PIEZO1: variants seen among roughly 807,000 people sequenced by gnomAD.
The protein encoded by PIEZO1 is piezo-type mechanosensitive ion channel component 1.
A neutral mutation model predicts 297.2 loss-of-function variants in PIEZO1; 296 were observed. The ratio of observed to expected loss-of-function variants is 1.00; its 90% confidence interval spans 0.91 to 1.10. PIEZO1 has a LOEUF of 1.10. Ranked by LOEUF, PIEZO1 falls within the 50% of genes least tolerant of loss-of-function variation. The pLI is 0.00. For missense variants in PIEZO1, 5,018 were observed against 3,455.5 expected, an observed-to-expected ratio of 1.45 and a Z score of -11.34; for synonymous variants, 2,427 against 1,507.5, an observed-to-expected ratio of 1.61 and a Z score of -14.13.
At chr16:88,734,576 G>A (rs1240647151) in intron 15 of PIEZO1, 38 bp from the exon 16 acceptor site, 2 of 1,545,360 alleles carry the variant, frequency 1.3e-6, no homozygotes, top group African/African-American at 1.4e-5. Flanking sequence ...CCGGCCCCCG[G>A]CAGAGCCGCT....
chr16:88,755,058 G>A (rs1418431345), intron 1 of PIEZO1, among the ~76,000 whole-genome samples: 1 of 152,160 alleles, frequency 6.6e-6, no homozygotes, highest in Non-Finnish European at 1.5e-5. Context: ...TCACCGCCGC[G>A]GCCATCACGT....
At chr16:88,731,954 G>GGGGAGGGTGGGGCGT (rs1904862262) in intron 21 of PIEZO1, 44 bp from the exon 22 acceptor site, 2 of 325,000 alleles carry the variant, frequency 6.2e-6, no homozygotes, top group African/African-American at 4.5e-5. Context: ...ACTGAGTCTG[G>GGGGAGGGTGGGGCGT]GGGGAGGGAC....
chr16:88,731,846 C>A lies in PIEZO1; in HGVS notation c.3056G>T (p.Gly1019Val). 2 of 1,150,140 alleles carry A rather than the reference C, an allele frequency of 1.7e-6. No homozygotes were observed. Among genetic ancestry groups the A allele is most frequent in the East Asian group, 7.0e-5 (1 of 14,298 alleles). 71.2% of individuals were successfully genotyped at this position (1,150,140 alleles called of 1,614,324 possible). A position where few individuals can be genotyped will look rare whatever the true frequency, so the allele number is the denominator to read the frequency against. Reference sequence around the variant, plus strand: ...GGTGAGGATGGCCACCAGCCAGCAACCGTGCAGGGTCACCAGAAAGTTCAT... The same window carrying A: ...GGTGAGGATGGCCACCAGCCAGCAAACGTGCAGGGTCACCAGAAAGTTCAT... Reference protein sequence around the residue: ...QRMNFLVTLHGCWLVAILTRR... With the variant: ...QRMNFLVTLHVCWLVAILTRR... Residue 1019 changes from glycine to valine, a missense_variant, in exon 22 of 51, where the codon GGT (glycine) becomes GTT (valine). Transcript: ENST00000301015.
In PIEZO1 at chr16:88,726,760, G is replaced by C. The variant is rs745841990; in HGVS notation, c.3654C>G (p.Leu1218=). 1.3e-6 allele frequency: 2 copies of C among 1,550,180 alleles called. No homozygotes were observed. The highest frequency in any genetic ancestry group is 8.7e-7 in the Non-Finnish European group (1 of 1,146,850). ...TGATGACGGTGACGTTGTACAGAAT[G>C]AGGCAGTCCCACAGCACGAGGCGGG... ...TRARLVLWDC[L]ILYNVTVIIS... is the part of the protein sequence containing the mutation. The change falls in exon 25 of 51, where the codon CTC becomes CTG. Residue 1218 remains leucine, a synonymous_variant. Transcript: ENST00000301015.
chr16:88,746,258 G>A (rs1043803819), intron 2 of PIEZO1, among the ~76,000 whole-genome samples: 4 of 152,146 alleles, frequency 2.6e-5, no homozygotes, highest in Non-Finnish European at 5.9e-5. Context: ...GGAGAGGGTG[G>A]CAGGGCCTCC....
chr16:88,717,945 T>A (rs944117039), intron 44 of PIEZO1: 1 of 369,814 alleles, frequency 2.7e-6, no homozygotes, highest in Admixed American at 4.0e-5. Context: ...TAGCCAGGCC[T>A]GGTGGTGCAC....
At chr16:88,740,065 T>C (rs1905538118) in intron 5 of PIEZO1, 1 of 151,244 alleles carries the variant, frequency 6.6e-6, no homozygotes, top group East Asian at 1.9e-4. Flanking sequence ...GGCCCTGACT[T>C]GGGCCCCACG....
At chr16:88,767,900 A>C (rs1367285664) in intron 1 of PIEZO1, among the ~76,000 whole-genome samples, 1 of 152,114 alleles carries the variant, frequency 6.6e-6, no homozygotes, top group Non-Finnish European at 1.5e-5. Flanking sequence ...ACAACCCCCA[A>C]GCCCTCGCAG....
chr16:88,771,836 T>C (rs1242272798), intron 1 of PIEZO1, among the ~76,000 whole-genome samples: 188 of 11,046 alleles, frequency 0.017, no homozygotes, highest in East Asian at 0.12. Flanking sequence ...TGAGACTCTA[T>C]GCCCGTCCAC....
intron 2 of PIEZO1, chr16:88,743,144 C>T (rs1301223204): frequency 6.6e-6 from 3 of 455,996 alleles, no homozygotes; most frequent in African/African-American, 6.0e-5. Flanking sequence ...CCTGTGGCCC[C>T]ACTGGACTCA....
In PIEZO1 at chr16:88,719,923, A is replaced by G; in HGVS notation, c.6202T>C (p.Phe2068Leu). The G allele has an allele frequency of 1.3e-6, 2 of 1,550,392 alleles. No homozygotes were observed. ...NQNVVAQLWYFVKCIYFALSA... is the reference protein window; with the variant it reads ...NQNVVAQLWYLVKCIYFALSA... Reference sequence around the variant, plus strand: ...AGGGCGAAGTAGATGCACTTCACGAAGTACCAGAGCTGGGCCACCACATTC... The same window carrying G: ...AGGGCGAAGTAGATGCACTTCACGAGGTACCAGAGCTGGGCCACCACATTC... The change falls in exon 43 of 51, where the codon TTC (phenylalanine) becomes CTC (leucine). Residue 2068 changes from phenylalanine (F) to leucine (L), a missense_variant. Phe to Leu is a conservative substitution (Grantham distance 22). Coordinates refer to ENST00000301015, the MANE Select transcript of PIEZO1 (RefSeq NM_001142864.4).
intron 40 of PIEZO1, 22 bp downstream of exon 40, chr16:88,720,594 G>A: frequency 6.5e-7 from 1 of 1,533,700 alleles, no homozygotes; most frequent in Non-Finnish European, 8.8e-7. Context: ...CTCCCCAGCT[G>A]CCCCCGGCCG....
Position 88,747,734 on chromosome 16 carries a change from G to A in PIEZO1, c.160+1650C>T, listed in dbSNP as rs560685836. Among the ~76,000 whole-genome samples the A allele has an allele frequency of 6.1e-4, 93 of 152,366 alleles. 1 individual carries two copies. Among genetic ancestry groups the A allele is most frequent in the African/African-American group, 2.0e-3 (84 of 41,582 alleles). On this transcript the variant is annotated intron_variant, in intron 2 of 50. Transcript: ENST00000301015. ...GCGAGTCCAGGCAGCAGAGGAAATG[G>A]GGGCTGCCCAACAGCTGACCTTAAA...
At chr16:88,772,383 A>G (rs1478630572) in intron 1 of PIEZO1, among the ~76,000 whole-genome samples, 6 of 152,170 alleles carry the variant, frequency 3.9e-5, no homozygotes, top group Non-Finnish European at 7.4e-5. Flanking sequence ...CATGAGGCCC[A>G]GGTGCCAATA....
At position 88,716,688 on chromosome 16, in the gene PIEZO1, AC is replaced by A. The variant is rs1485049982; in HGVS notation, c.6796del (p.Val2266SerfsTer23). Reference sequence around the variant, plus strand: ...GGAGCTGCCCTCAATCTGCGCCGTGACGATGTCCTCAGGGCTGTACTGGCTG... The same window carrying A: ...GGAGCTGCCCTCAATCTGCGCCGTGAGATGTCCTCAGGGCTGTACTGGCTG... The part of the protein sequence containing the change: ...FISQYSPEDI[V>X]TAQIEGSSGA... On this transcript the variant is annotated frameshift_variant, in exon 47 of 51. Transcript: ENST00000301015. LOFTEE classifies it high-confidence loss of function. 1 of 1,549,006 alleles carries A rather than the reference AC, an allele frequency of 6.5e-7. No individual in the cohort carries two copies.
In PIEZO1 at chr16:88,738,559, G is replaced by T. The variant is rs996978673; in HGVS notation, c.634+9C>A. 1 of 1,532,316 alleles carries T rather than the reference G, an allele frequency of 6.5e-7. No individual in the cohort carries two copies. Among genetic ancestry groups the T allele is most frequent in the Non-Finnish European group, 8.7e-7 (1 of 1,144,168 alleles). The allele number at this position is 1,532,316 out of a possible 1,614,324, so 94.9% of individuals were successfully genotyped here. On this transcript the variant is annotated intron_variant, in intron 6 of 50. Transcript: ENST00000301015. Reference sequence around the variant, plus strand: ...TGTGACTGCCAGTGCCCCCTGCCTCGGTGCGTACCTGCCAGTGCAAGCAGT... The same window carrying T: ...TGTGACTGCCAGTGCCCCCTGCCTCTGTGCGTACCTGCCAGTGCAAGCAGT...
In PIEZO1 at chr16:88,719,618, A is replaced by G. The variant is rs1180084199; in HGVS notation, c.6427T>C (p.Tyr2143His). ...CATTTGATGATGAAGATGTTGGCAT[A>G]GATGTCCTCCACACACATCCAGCTG... Reference protein sequence around the residue: ...LSSWMCVEDIYANIFIIKCSR... With the variant: ...LSSWMCVEDIHANIFIIKCSR... Residue 2143 changes from tyrosine (Y) to histidine (H), a missense_variant, in exon 44 of 51, where the codon TAT becomes CAT. Physicochemically the swap from Tyr to His is moderately conservative, Grantham distance 83. Coordinates refer to ENST00000301015, the MANE Select transcript of PIEZO1 (RefSeq NM_001142864.4). 10 of 1,552,456 alleles carry G rather than the reference A, an allele frequency of 6.4e-6. No homozygotes were observed. The South Asian group carries it at 8.3e-5, about 13-fold the overall frequency.
intron 1 of PIEZO1, among the ~76,000 whole-genome samples, chr16:88,776,395 C>T (rs1907665982): frequency 6.6e-6 from 1 of 152,018 alleles, no homozygotes; most frequent in African/African-American, 2.4e-5. Context: ...GACTGGGCCA[C>T]TGCACTCCAG....
At position 88,716,698 on chromosome 16, in the gene PIEZO1, CAG is replaced by C; in HGVS notation, c.6785_6786del (p.Pro2262ArgfsTer9). On this transcript the variant is annotated frameshift_variant, in exon 47 of 51. Transcript: ENST00000301015. LOFTEE classifies it high-confidence loss of function. ...LAMQFISQYS[P>X]EDIVTAQIEG... ...TCAATCTGCGCCGTGACGATGTCCTCAGGGCTGTACTGGCTGATGAACTGCAT... is the reference window on the plus strand; with the variant it reads ...TCAATCTGCGCCGTGACGATGTCCTCGGCTGTACTGGCTGATGAACTGCAT... 6.5e-7 allele frequency: 1 copy of C among 1,548,666 alleles called. No homozygotes were observed. Among genetic ancestry groups the C allele is most frequent in the Non-Finnish European group, 8.7e-7 (1 of 1,146,914 alleles).
Sources: gnomAD v4.1 joint callset for allele counts (sites outside exome capture counted in the v4.1 genomes callset) on GRCh38, gnomAD v4.1.1 for gene constraint, MANE v1.5 for transcripts, NCBI Gene and HGNC (gene_info 2026-07-23, HGNC 2026-07-21) for gene names.